Variants in RASAL1 observed in about 807,000 individuals in gnomAD.
RASAL1 encodes RAS protein activator like 1.
RASAL1 carries 72 observed loss-of-function variants against 96.6 expected under a neutral mutation model. That is an observed-to-expected ratio of 0.75 (90% CI 0.62 to 0.91). The LOEUF (loss-of-function observed/expected upper bound fraction) is 0.91, where lower values mean the gene tolerates loss of function less well. Among genes scored for constraint, RASAL1 ranks in the 40% least tolerant of loss-of-function variants. RASAL1 has a pLI of 0.00. For missense variants in RASAL1, 1,016 were observed against 1,072.5 expected (o/e 0.95, Z 0.74); for synonymous variants, 405 against 430.4 (o/e 0.94, Z 0.73).
chr12:113,107,894 C>A (rs1950707093), intron 14 of RASAL1, among the ~76,000 whole-genome samples, 191 bp downstream of exon 14: 1 of 152,210 alleles, frequency 6.6e-6, no homozygotes, highest in African/African-American at 2.4e-5. Context: ...GGTTTTCATT[C>A]CCAAAGGGGA....
chr12:113,119,230 C>T lies in RASAL1; in HGVS notation c.540G>A (p.Trp180Ter), dbSNP rs1256206990. ...STIKKTRFPHWDEVLELREMP... is the reference protein window; with the variant it reads ...STIKKTRFPH ...TCTCCCGCAGCTCCAGCACTTCATCCCAGTGCGGGAAGCGAGTCTTCTTGA... is the reference window on the plus strand; with the variant it reads ...TCTCCCGCAGCTCCAGCACTTCATCTCAGTGCGGGAAGCGAGTCTTCTTGA... Residue 180 changes from tryptophan (W) to a stop codon, truncating the protein, a stop_gained, in exon 7 of 21, where the codon TGG (tryptophan) becomes TGA (stop). Coordinates refer to ENST00000548055, the MANE Select transcript of RASAL1 (RefSeq NM_001301202.2). LOFTEE classifies it high-confidence loss of function. 1.2e-6 allele frequency: 2 copies of T among 1,613,834 alleles called. No homozygotes were observed. The highest frequency in any genetic ancestry group is 1.7e-4 in the Middle Eastern group (1 of 6,060).
intron 16 of RASAL1, among the ~76,000 whole-genome samples, chr12:113,105,193 G>C (rs770673251): frequency 4.7e-4 from 71 of 152,232 alleles, no homozygotes; most frequent in Non-Finnish European, 1.3e-4. Context: ...TTCTAGTCAT[G>C]AACGCCAGCC....
intron 13 of RASAL1, among the ~76,000 whole-genome samples, chr12:113,109,639 C>T (rs1193135124): frequency 6.6e-6 from 1 of 152,190 alleles, no homozygotes; most frequent in Non-Finnish European, 1.5e-5. Context: ...TGTGTTTATT[C>T]AGAGGTTGTA....
intron 6 of RASAL1, 34 bp downstream of exon 6, chr12:113,119,328 C>A: frequency 6.2e-7 from 1 of 1,613,048 alleles, no homozygotes; most frequent in Non-Finnish European, 8.5e-7. Context: ...ACCAAATGCC[C>A]CACTCCTTCC....
intron 4 of RASAL1, among the ~76,000 whole-genome samples, chr12:113,123,148 C>T (rs537851349): frequency 2.6e-5 from 4 of 152,090 alleles, no homozygotes; most frequent in Non-Finnish European, 5.9e-5. Flanking sequence ...TTATTGCAGA[C>T]CTTTCTTGTG....
In RASAL1 at chr12:113,129,932, AT is replaced by A. The variant is rs1951637827; in HGVS notation, c.122+952del. ...CAGCCTGGGGTCACACAGAAAATCA[AT>A]CTGTGGGTTTGGGGTGGTGTCAGGG... is the stretch of plus-strand genomic sequence containing the variant. On this transcript the variant is annotated intron_variant, in intron 2 of 20. Coordinates refer to ENST00000548055, the MANE Select transcript of RASAL1 (RefSeq NM_001301202.2). This position sits in a 1 kb window ranked among gnomAD's most constrained non-coding sequence, Gnocchi z 5.0. Among the ~76,000 whole-genome samples the A allele has an allele frequency of 1.3e-5, 2 of 152,102 alleles. No individual in the cohort carries two copies. Among genetic ancestry groups the A allele is most frequent in the African/African-American group, 4.8e-5 (2 of 41,436 alleles).
rs1314165916 is a variant in RASAL1 at position 113,135,425 on chromosome 12, TCCA to T, written c.35_37del (p.Val12del). 4 of 1,610,096 alleles carry T rather than the reference TCCA, an allele frequency of 2.5e-6. No individual in the cohort carries two copies. The highest frequency in any genetic ancestry group is 3.4e-6 in the Non-Finnish European group (4 of 1,178,708). ...GTCCTTGGCAGGCAGCGCGCGGCCC[TCCA>T]CCACGCGAACATTCAGGGAGCTGCT... On this transcript the variant is annotated inframe_deletion, in exon 1 of 21. Coordinates refer to ENST00000548055, the MANE Select transcript of RASAL1 (RefSeq NM_001301202.2). The surrounding 1 kb of genome is among the most constrained non-coding windows in gnomAD (Gnocchi z 5.7).
In RASAL1 at chr12:113,124,989, T is replaced by C. The variant is rs1951429165; in HGVS notation, c.298+2823A>G. ...GTTTAATGCAATAAATGGCCAGGCA[T>C]GGTGGCTCACACCTGTAATCCCGGC... On this transcript the variant is annotated intron_variant, in intron 4 of 20. Coordinates refer to ENST00000548055, the MANE Select transcript of RASAL1 (RefSeq NM_001301202.2). Among the ~76,000 whole-genome samples the C allele has an allele frequency of 2.0e-5, 3 of 152,218 alleles. No homozygotes were observed. In the South Asian group the frequency reaches 6.2e-4, roughly 32 times the overall value.
In RASAL1 at chr12:113,128,490, AACACACAC is replaced by A. The variant is rs149978369; in HGVS notation, c.123-320_123-313del. On this transcript the variant is annotated intron_variant, in intron 2 of 20. Transcript: ENST00000548055. ...GTATCAGACATACACCAGAGATCTC[AACACACAC>A]ACACACACACACACAGAGGCACATA... 1.3e-3 allele frequency among the ~76,000 whole-genome samples: 174 copies of A among 138,706 alleles called. 1 individual carries two copies. The highest frequency in any genetic ancestry group is 4.3e-3 in the African/African-American group (163 of 37,510). 91.0% of individuals were successfully genotyped at this position (138,706 alleles called of 152,430 possible).
At chr12:113,103,328 G>A (rs1450360933) in intron 18 of RASAL1, among the ~76,000 whole-genome samples, 2 of 151,574 alleles carry the variant, frequency 1.3e-5, no homozygotes, top group Non-Finnish European at 2.9e-5. Context: ...ACAAAAGGCC[G>A]GGCACGGTGG....
Position 113,115,901 on chromosome 12 carries a change from C to G in RASAL1, c.849+33G>C. ...GGCCAGGATCCAGACCCCCGGCACC[C>G]GCCTGATAGCATTGCTTGCCTGACG... On this transcript the variant is annotated intron_variant, in intron 9 of 20. Coordinates refer to ENST00000548055, the MANE Select transcript of RASAL1 (RefSeq NM_001301202.2). The surrounding 1 kb of genome is among the most constrained non-coding windows in gnomAD (Gnocchi z 4.1). 6.3e-7 allele frequency: 1 copy of G among 1,582,078 alleles called. No homozygotes were observed. The highest frequency in any genetic ancestry group is 1.2e-5 in the South Asian group (1 of 86,382).
chr12:113,118,510 G>T (rs1485633792), intron 7 of RASAL1, among the ~76,000 whole-genome samples: 1 of 152,106 alleles, frequency 6.6e-6, no homozygotes, highest in Non-Finnish European at 1.5e-5. Context: ...CATTTCTTTG[G>T]GGTATGTACC....
intron 4 of RASAL1, among the ~76,000 whole-genome samples, chr12:113,125,341 T>C (rs886457479): frequency 1.3e-5 from 2 of 152,088 alleles, no homozygotes; most frequent in African/African-American, 4.8e-5. Context: ...AGAAAAAATA[T>C]TGCAGCTAAT....
In RASAL1 at chr12:113,121,612, G is replaced by A. The variant is rs1453329495; in HGVS notation, c.325C>T (p.Arg109Ter). 5.0e-6 allele frequency: 8 copies of A among 1,614,056 alleles called. No individual in the cohort carries two copies. Among genetic ancestry groups the A allele is most frequent in the East Asian group, 2.2e-5 (1 of 44,900 alleles). The stretch of plus-strand genomic sequence containing the variant: ...TGCACTTCTGCATCTGGGTCCACTC[G>A]GCTCAAGTTAATCCAGCTGTCAATC... ...RGIDSWINLSRVDPDAEVQGE... is the reference protein window; with the variant it reads ...RGIDSWINLS The change falls in exon 5 of 21, where the codon CGA (arginine) becomes TGA (stop). Residue 109 changes from arginine to a stop codon, truncating the protein, a stop_gained. Coordinates refer to ENST00000548055, the MANE Select transcript of RASAL1 (RefSeq NM_001301202.2). LOFTEE classifies it high-confidence loss of function.
chr12:113,109,114 C>T (rs1340118338), intron 13 of RASAL1, among the ~76,000 whole-genome samples: 3 of 148,984 alleles, frequency 2.0e-5, no homozygotes, highest in Non-Finnish European at 3.0e-5. Context: ...CTCCTAATCT[C>T]AAGTGATCCA....
intron 5 of RASAL1, 71 bp from the exon 6 acceptor site, chr12:113,119,514 T>A: frequency 7.2e-7 from 1 of 1,386,700 alleles, no homozygotes; most frequent in African/African-American, 1.4e-5. Flanking sequence ...CTGTTAAGAG[T>A]AGATCATTCC....
At chr12:113,136,092 C>T (rs1025604423), upstream of RASAL1, 2 of 152,606 alleles carry the variant, frequency 1.3e-5, no homozygotes, top group Non-Finnish European at 2.9e-5. Context: ...TCTCCAACCT[C>T]CGCGCCCCCC....
chr12:113,127,781 C>T lies in RASAL1; in HGVS notation c.298+31G>A, dbSNP rs866645176. 1.4e-5 allele frequency: 22 copies of T among 1,591,556 alleles called. 1 individual carries two copies. In the Middle Eastern group the frequency reaches 1.2e-3, roughly 84 times the overall value. The stretch of plus-strand genomic sequence containing the variant: ...CAAATGCCCACCCTGGGCATGGCCC[C>T]CTCCTCCCTCTGCCCATGTCCCTCG... On this transcript the variant is annotated intron_variant, in intron 4 of 20. Transcript: ENST00000548055.
chr12:113,121,770 G>A, intron 4 of RASAL1, 132 bp from the exon 5 acceptor site: 1 of 1,053,320 alleles, frequency 9.5e-7, no homozygotes, highest in South Asian at 1.6e-5. Flanking sequence ...TGCCCAGGCT[G>A]GAGTGCAGTG....
Sources: gnomAD v4.1 joint callset for allele counts (sites outside exome capture counted in the v4.1 genomes callset) on GRCh38, gnomAD v4.1.1 for gene constraint, Gnocchi (gnomAD v3.1) non-coding constraint, MANE v1.5 for transcripts, NCBI Gene and HGNC (gene_info 2026-07-23, HGNC 2026-07-21) for gene names.